The following FTCDNL1 variants were observed in gnomAD, a reference collection of about 807,000 sequenced individuals.
FTCDNL1 encodes formiminotransferase cyclodeaminase N-terminal like, also known as formiminotransferase N-terminal subdomain-containing protein.
FTCDNL1 carries 11 observed loss-of-function variants against 5.9 expected under a neutral mutation model. The observed-to-expected ratio is 1.87, with a 90% CI of 1.18 to 3.10. The LOEUF is 3.10. Among genes scored for constraint, FTCDNL1 ranks in the 30% most tolerant of loss-of-function variants. The pLI, the probability that FTCDNL1 is intolerant of heterozygous loss-of-function variation, is 0.00. For synonymous variants in FTCDNL1, 58 were observed against 24.8 expected (o/e 2.34, Z -3.99); for missense variants, 115 against 65.5 (o/e 1.76, Z -2.61).
chr2:199,767,820 AG>A (rs960283532), intron 3 of FTCDNL1, among the ~76,000 whole-genome samples: 2 of 152,254 alleles, frequency 1.3e-5, no homozygotes, highest in Non-Finnish European at 2.9e-5. Context: ...TGTGAGAAGT[AG>A]GTTTCTGTTA....
intron 3 of FTCDNL1, among the ~76,000 whole-genome samples, chr2:199,802,169 T>G (rs933114648): frequency 6.6e-6 from 1 of 150,928 alleles, no homozygotes; most frequent in African/African-American, 2.4e-5. Flanking sequence ...CTTGTGTACA[T>G]TTTTCGAAAT....
At chr2:199,821,316 ATTTTTTTT>A (rs34899809) in intron 3 of FTCDNL1, among the ~76,000 whole-genome samples, 5 of 133,900 alleles carry the variant, frequency 3.7e-5, no homozygotes, top group Non-Finnish European at 8.0e-5. Flanking sequence ...AGCCTGGCTA[ATTTTTTTT>A]TTTTTTTTTT....
intron 3 of FTCDNL1, among the ~76,000 whole-genome samples, chr2:199,767,049 AC>A (rs1698571509): frequency 6.6e-6 from 1 of 152,192 alleles, no homozygotes. Context: ...TAATAAAAAG[AC>A]CCCAATATAA....
At chr2:199,784,653 G>T (rs535751284) in intron 3 of FTCDNL1, among the ~76,000 whole-genome samples, 1 of 152,168 alleles carries the variant, frequency 6.6e-6, no homozygotes, top group Non-Finnish European at 1.5e-5. Context: ...TTGGAGCTGG[G>T]ACTCTCCCTC....
chr2:199,844,515 C>T, intron 3 of FTCDNL1: 1 of 630,222 alleles, frequency 1.6e-6, no homozygotes, highest in Admixed American at 2.3e-5. Context: ...TCTAGGCAGG[C>T]AGCCAGAACA....
intron 4 of FTCDNL1, among the ~76,000 whole-genome samples, chr2:199,816,372 C>A (rs1383482255): frequency 6.6e-6 from 1 of 152,088 alleles, no homozygotes; most frequent in Admixed American, 6.6e-5. Context: ...CCCTTCTTAT[C>A]ATGAATATGC....
intron 3 of FTCDNL1, among the ~76,000 whole-genome samples, chr2:199,770,632 A>T (rs961035805): frequency 6.6e-6 from 1 of 152,136 alleles, no homozygotes; most frequent in African/African-American, 2.4e-5. Context: ...TATCCTTCAC[A>T]TATCATTTTA....
chr2:199,850,325 G>A (rs1244380395), intron 1 of FTCDNL1, among the ~76,000 whole-genome samples: 1 of 152,196 alleles, frequency 6.6e-6, no homozygotes, highest in East Asian at 1.9e-4. Flanking sequence ...TTTGTTTTCA[G>A]TGTGTTTATG....
chr2:199,806,493 G>C (rs1410623609), downstream of FTCDNL1, among the ~76,000 whole-genome samples: 1 of 152,198 alleles, frequency 6.6e-6, no homozygotes, highest in Non-Finnish European at 1.5e-5. Flanking sequence ...TATCAAGCCT[G>C]CTTTGGCTCA....
At chr2:199,730,532 G>T in the FTCDNL1 span, among the ~76,000 whole-genome samples, 2 of 152,006 alleles carry the variant, frequency 1.3e-5, no homozygotes, top group Non-Finnish European at 2.9e-5. Flanking sequence ...GTGGGCAAAG[G>T]ATATGAACAG....
chr2:199,735,488 C>A, the FTCDNL1 span, among the ~76,000 whole-genome samples: 2 of 151,750 alleles, frequency 1.3e-5, no homozygotes, highest in African/African-American at 4.8e-5. Flanking sequence ...ATGTGTATAA[C>A]AAATTAAAGT....
At chr2:199,763,404 G>A (rs369742972) in intron 3 of FTCDNL1, among the ~76,000 whole-genome samples, 5 of 152,184 alleles carry the variant, frequency 3.3e-5, no homozygotes, top group African/African-American at 1.2e-4. Flanking sequence ...ACAAGGGTGG[G>A]AGGGGACAGG....
rs375185614 is a variant in FTCDNL1, at chr2:199,761,920, T to C, written c.212-1085A>G. ...ATTTTCTTCTTAACATTGTTTACTA[T>C]CTCACATTATCTTTCAGTTATTTGT... On this transcript the variant is annotated intron_variant, in intron 3 of 3. Coordinates refer to the FTCDNL1 transcript ENST00000416668. Among the ~76,000 whole-genome samples the C allele has an allele frequency of 3.3e-5, 5 of 152,236 alleles. No individual in the cohort carries two copies. In the East Asian group the frequency reaches 9.6e-4, roughly 29 times the overall value.
rs1385078694 is a variant in FTCDNL1, at chr2:199,790,760, A to C, written c.212-29925T>G. The stretch of plus-strand genomic sequence containing the variant: ...AAGTAACAATGAAATTTTACTTTAC[A>C]CTTGAGTGGCAAAAATTAAAGAGAA... On this transcript the variant is annotated intron_variant, in intron 3 of 3. Transcript: ENST00000416668. Among the ~76,000 whole-genome samples the C allele has an allele frequency of 3.3e-5, 5 of 152,326 alleles. No homozygotes were observed. The East Asian group carries it at 9.6e-4, about 29-fold the overall frequency.
chr2:199,756,831 G>A (rs1698089506), downstream of FTCDNL1, among the ~76,000 whole-genome samples: 1 of 152,110 alleles, frequency 6.6e-6, no homozygotes, highest in Non-Finnish European at 1.5e-5. Context: ...CTTCATTCCA[G>A]AGCCCAGACT....
At chr2:199,808,267 T>C (rs569036505), downstream of FTCDNL1, among the ~76,000 whole-genome samples, 17 of 152,244 alleles carry the variant, frequency 1.1e-4, no homozygotes, top group African/African-American at 2.4e-4. Context: ...TATTTCTTTA[T>C]AGCAATACAA....
chr2:199,751,194 T>A, the FTCDNL1 span, among the ~76,000 whole-genome samples: 2 of 151,690 alleles, frequency 1.3e-5, no homozygotes, highest in African/African-American at 4.8e-5. Context: ...CTCACAGGAG[T>A]GTGGTGATAA....
chr2:199,730,095 T>C, the FTCDNL1 span, among the ~76,000 whole-genome samples: 1 of 152,098 alleles, frequency 6.6e-6, no homozygotes, highest in South Asian at 2.1e-4. Context: ...AGAACAACAA[T>C]GGGGAAAGGA....
At position 199,810,614 on chromosome 2, in the gene FTCDNL1, G is replaced by A. The variant is rs116627074; in HGVS notation, c.*2091C>T. On this transcript the variant is annotated 3_prime_UTR_variant, in exon 5 of 5. Transcript: ENST00000420128. ...CCTTTCCCTGTCTCAGGGATGGTGCGGCTCACATTACATAAATAGCGTGGC... is the reference window on the plus strand; with the variant it reads ...CCTTTCCCTGTCTCAGGGATGGTGCAGCTCACATTACATAAATAGCGTGGC... Among the ~76,000 whole-genome samples, 464 of 152,266 alleles carry A rather than the reference G, an allele frequency of 3.0e-3. 3 individuals carry two copies. The highest frequency in any genetic ancestry group is 0.011 in the African/African-American group (439 of 41,552).
Sources: gnomAD v4.1 joint callset for allele counts (sites outside exome capture counted in the v4.1 genomes callset) on GRCh38, gnomAD v4.1.1 for gene constraint, MANE v1.5 for transcripts, NCBI Gene and HGNC (gene_info 2026-07-23, HGNC 2026-07-21) for gene names.